Variants in PIWIL2 observed in about 807,000 individuals in gnomAD.
The protein encoded by PIWIL2 is piwi-like protein 2.
PIWIL2 carries 81 observed loss-of-function variants against 116.5 expected under a neutral mutation model. That is an observed-to-expected ratio of 0.70 (90% CI 0.58 to 0.84). The LOEUF is 0.84. Among genes scored for constraint, PIWIL2 ranks in the 40% least tolerant of loss-of-function variants. PIWIL2 has a pLI of 0.00. For synonymous variants in PIWIL2, 489 were observed against 429.5 expected (o/e 1.14, Z -1.71); for missense variants, 1,272 against 1,212.3 (o/e 1.05, Z -0.73).
rs1456675643 is a variant in PIWIL2, at chr8:22,357,311, A to G, written c.*1806A>G. 1 of 152,224 alleles carries G rather than the reference A, an allele frequency of 6.6e-6. No homozygotes were observed. The highest frequency in any genetic ancestry group is 2.4e-5 in the African/African-American group (1 of 41,460). 9.4% of individuals were successfully genotyped at this position (152,224 alleles called of 1,614,324 possible). A position where few individuals can be genotyped will look rare whatever the true frequency, so the allele number is the denominator to read the frequency against. The stretch of plus-strand genomic sequence containing the variant: ...CAAGGACCTGGAATTTAAAAACCAC[A>G]GAATCAAACACTGTGAACCACTGGT... On this transcript the variant is annotated 3_prime_UTR_variant, in exon 23 of 23. Transcript: ENST00000356766.
At position 22,281,486 on chromosome 8, in the gene PIWIL2, G is replaced by A. The variant is rs748340113; in HGVS notation, c.396G>A (p.Lys132=). The A allele has an allele frequency of 6.3e-7, 1 of 1,592,474 alleles. No homozygotes were observed. Among genetic ancestry groups the A allele is most frequent in the African/African-American group, 1.4e-5 (1 of 73,164 alleles). Residue 132 remains lysine (K), a synonymous_variant, in exon 4 of 23, where the codon AAG becomes AAA. Coordinates refer to ENST00000356766, the MANE Select transcript of PIWIL2 (RefSeq NM_018068.5). ...DPKVLAAGDS[K]MAETSVGWSR... ...AAGTGTTGGCGGCTGGGGACAGCAA[G>A]ATGGCAGAGACCTCCGTTGGTTGGA...
intron 20 of PIWIL2, among the ~76,000 whole-genome samples, chr8:22,338,654 T>C (rs1015380123): frequency 4.6e-5 from 7 of 151,884 alleles, no homozygotes; most frequent in African/African-American, 1.7e-4. Context: ...ATCACGTCAC[T>C]GCACTCCAGC....
At chr8:22,345,004 T>C (rs117227816) in intron 20 of PIWIL2, among the ~76,000 whole-genome samples, 28 of 152,318 alleles carry the variant, frequency 1.8e-4, no homozygotes, top group Admixed American at 1.4e-3. Flanking sequence ...TGGAAAACAG[T>C]TGGGCAGTTC....
intron 13 of PIWIL2, among the ~76,000 whole-genome samples, chr8:22,307,530 T>C (rs13257108): frequency 0.45 from 63,512 of 141,594 alleles, 15,588 homozygotes; most frequent in East Asian, 0.81. Context: ...TTGCCCAGGC[T>C]GGAGGGCAGT....
intron 20 of PIWIL2, among the ~76,000 whole-genome samples, chr8:22,328,818 G>GTGTTT: frequency 3.7e-5 from 4 of 107,170 alleles, no homozygotes; most frequent in East Asian, 6.1e-4. Context: ...AGCTCTAGTC[G>GTGTTT]TTTTTTTTTT....
At position 22,331,107 on chromosome 8, in the gene PIWIL2, T is replaced by C. The variant is rs141875444; in HGVS notation, c.2403+12832T>C. On this transcript the variant is annotated intron_variant, in intron 20 of 22. Transcript: ENST00000356766. ...AGGAGAATTGCTTGAACCCAGGAGG[T>C]GGAGGTTGCAGTGAGCCAAGATTGT... Among the ~76,000 whole-genome samples the C allele has an allele frequency of 4.0e-3, 601 of 151,658 alleles. 5 individuals carry two copies. The highest frequency in any genetic ancestry group is 0.013 in the African/African-American group (549 of 41,172).
chr8:22,311,328 A>G, intron 16 of PIWIL2, 28 bp downstream of exon 16: 1 of 1,544,586 alleles, frequency 6.5e-7, no homozygotes, highest in Non-Finnish European at 8.9e-7. Context: ...ATAAATTTAT[A>G]GGATGTCCAT....
At chr8:22,344,147 CTG>C (rs1460292387) in intron 20 of PIWIL2, among the ~76,000 whole-genome samples, 1 of 152,214 alleles carries the variant, frequency 6.6e-6, no homozygotes, top group African/African-American at 2.4e-5. Context: ...ATGATTCTAA[CTG>C]TATGATAAAT....
intron 20 of PIWIL2, among the ~76,000 whole-genome samples, chr8:22,331,358 T>C (rs534812530): frequency 5.3e-5 from 8 of 151,898 alleles, no homozygotes; most frequent in Non-Finnish European, 1.0e-4. Flanking sequence ...ATTTTTAATT[T>C]CTATTTTTTT....
chr8:22,298,293 T>C (rs1289291405), intron 10 of PIWIL2, among the ~76,000 whole-genome samples: 1 of 151,984 alleles, frequency 6.6e-6, no homozygotes, highest in Non-Finnish European at 1.5e-5. Flanking sequence ...AAAAATATTT[T>C]CAAATGATAT....
chr8:22,355,775 G>A lies in PIWIL2; in HGVS notation c.*270G>A. ...GCAGGTGGAGCGGGTGACTCTGGGG[G>A]ACCATTAAGACCTCCAGACCGGGTG... On this transcript the variant is annotated 3_prime_UTR_variant, in exon 23 of 23. Coordinates refer to ENST00000356766, the MANE Select transcript of PIWIL2 (RefSeq NM_018068.5). 2.4e-6 allele frequency: 1 copy of A among 422,298 alleles called. No homozygotes were observed. The highest frequency in any genetic ancestry group is 4.4e-6 in the Non-Finnish European group (1 of 228,242). 26.2% of individuals were successfully genotyped at this position (422,298 alleles called of 1,614,324 possible).
At chr8:22,351,906 A>C (rs1380149352) in intron 20 of PIWIL2, among the ~76,000 whole-genome samples, 1 of 151,728 alleles carries the variant, frequency 6.6e-6, no homozygotes, top group African/African-American at 2.4e-5. Context: ...ACTAGAATCA[A>C]AACTGAATTA....
At chr8:22,342,970 AG>A (rs1832143736) in intron 20 of PIWIL2, among the ~76,000 whole-genome samples, 1 of 152,202 alleles carries the variant, frequency 6.6e-6, no homozygotes, top group Non-Finnish European at 1.5e-5. Context: ...ATCTCACCAA[AG>A]AGTATAGGTA....
At chr8:22,333,505 G>A (rs1415761251) in intron 20 of PIWIL2, among the ~76,000 whole-genome samples, 1 of 152,144 alleles carries the variant, frequency 6.6e-6, no homozygotes. Flanking sequence ...CTAGCTAGTC[G>A]GGAGGCTGAG....
intron 20 of PIWIL2, among the ~76,000 whole-genome samples, chr8:22,336,191 C>T (rs886577140): frequency 3.9e-5 from 6 of 152,208 alleles, no homozygotes; most frequent in Non-Finnish European, 7.3e-5. Flanking sequence ...CAACCACATA[C>T]ACATTCTTCT....
At chr8:22,349,006 G>T (rs1475680359) in intron 20 of PIWIL2, among the ~76,000 whole-genome samples, 1 of 151,730 alleles carries the variant, frequency 6.6e-6, no homozygotes, top group Non-Finnish European at 1.5e-5. Context: ...AGGAGGTGAT[G>T]CCAGTAGTTA....
At chr8:22,286,874 G>C (rs780721482) in intron 6 of PIWIL2, among the ~76,000 whole-genome samples, 1 of 151,816 alleles carries the variant, frequency 6.6e-6, no homozygotes, top group East Asian at 1.9e-4. Flanking sequence ...CACCCACCTC[G>C]GCCTCCCAAA....
intron 10 of PIWIL2, among the ~76,000 whole-genome samples, chr8:22,290,646 G>T (rs1263213887): frequency 6.9e-6 from 1 of 145,930 alleles, no homozygotes. Flanking sequence ...TAGAGATAGG[G>T]TCTTGCTATG....
intron 20 of PIWIL2, among the ~76,000 whole-genome samples, chr8:22,338,019 A>C (rs1371777215): frequency 6.6e-6 from 1 of 152,008 alleles, no homozygotes; most frequent in Non-Finnish European, 1.5e-5. Flanking sequence ...GCTTGAACCC[A>C]GGAGATGGAG....
Sources: gnomAD v4.1 joint callset for allele counts (sites outside exome capture counted in the v4.1 genomes callset) on GRCh38, gnomAD v4.1.1 for gene constraint, MANE v1.5 for transcripts, NCBI Gene and HGNC (gene_info 2026-07-23, HGNC 2026-07-21) for gene names.